Variants in ACOXL observed in about 807,000 individuals in gnomAD.
The protein encoded by ACOXL is acyl-CoA oxidase like.
In ACOXL, 70 loss-of-function variants were observed where a neutral mutation model predicts 71.9. That is an observed-to-expected ratio of 0.97 (90% CI 0.80 to 1.19). ACOXL has a LOEUF of 1.19. Ranked by LOEUF, ACOXL falls within the 50% of genes most tolerant of loss-of-function variation. The probability of loss-of-function intolerance (pLI) is 0.00; values close to 1 mark genes in which losing one functional copy is unlikely to be tolerated. For missense variants in ACOXL, 703 were observed against 736.3 expected (o/e 0.95, Z 0.52); for synonymous variants, 253 against 281.6 (o/e 0.90, Z 1.02).
rs564930721 is a variant in ACOXL, at chr2:110,887,148, C to T, written c.789-21641C>T. On this transcript the variant is annotated intron_variant, in intron 10 of 17. Coordinates refer to ENST00000439055, the MANE Select transcript of ACOXL (RefSeq NM_001142807.4). ...GATCTGAAAGTGAAATCATTGACTC[C>T]GTTACCATGTTCTGAATTCCCAGAT... is the stretch of plus-strand genomic sequence containing the variant. The T allele has an allele frequency of 1.7e-4, 57 of 336,350 alleles. No individual in the cohort carries two copies. The South Asian group carries it at 2.4e-3, about 14-fold the overall frequency. The allele number at this position is 336,350 out of a possible 1,614,324, so 20.8% of individuals were successfully genotyped here.
intron 10 of ACOXL, among the ~76,000 whole-genome samples, chr2:110,862,725 T>C (rs1337821811): frequency 6.6e-6 from 1 of 152,200 alleles, no homozygotes; most frequent in Non-Finnish European, 1.5e-5. Context: ...TGGACACTCA[T>C]AGCCCCCTCA....
At chr2:110,903,324 A>G (rs2059318173) in intron 10 of ACOXL, among the ~76,000 whole-genome samples, 1 of 152,252 alleles carries the variant, frequency 6.6e-6, no homozygotes, top group Admixed American at 6.5e-5. Flanking sequence ...TGCCTTAAGC[A>G]GCCGCGTTCA....
intron 9 of ACOXL, among the ~76,000 whole-genome samples, chr2:110,838,733 A>G (rs1472851014): frequency 6.6e-6 from 1 of 152,210 alleles, no homozygotes. Flanking sequence ...GGCCTTCCTC[A>G]TTGGACCCAG....
intron 14 of ACOXL, among the ~76,000 whole-genome samples, chr2:111,007,990 G>A (rs1006780964): frequency 6.6e-6 from 1 of 152,130 alleles, no homozygotes; most frequent in Admixed American, 6.5e-5. Context: ...CTCACCCCCT[G>A]TGTACACAAC....
At chr2:111,088,256 G>A (rs1180087988) in intron 16 of ACOXL, among the ~76,000 whole-genome samples, 2 of 152,130 alleles carry the variant, frequency 1.3e-5, no homozygotes, top group Non-Finnish European at 2.9e-5. Flanking sequence ...AGAACTAAAA[G>A]CAGAATTACC....
chr2:111,045,838 C>T (rs768283979), intron 15 of ACOXL, among the ~76,000 whole-genome samples: 1 of 152,196 alleles, frequency 6.6e-6, no homozygotes, highest in Non-Finnish European at 1.5e-5. Context: ...GGGCTGTAGG[C>T]TGCTAGCCCC....
intron 13 of ACOXL, among the ~76,000 whole-genome samples, chr2:110,994,676 T>C (rs1447760423): frequency 6.6e-6 from 1 of 152,172 alleles, no homozygotes; most frequent in East Asian, 1.9e-4. Context: ...AATTGTGAAC[T>C]TGGTTGTTTT....
At chr2:110,850,943 CTG>C (rs1486009963) in intron 10 of ACOXL, among the ~76,000 whole-genome samples, 3 of 152,168 alleles carry the variant, frequency 2.0e-5, no homozygotes, top group Non-Finnish European at 4.4e-5. Context: ...GGTAAACAGA[CTG>C]TGTCACTTCC....
At chr2:110,999,642 T>C (rs1174444065) in intron 14 of ACOXL, among the ~76,000 whole-genome samples, 1 of 152,236 alleles carries the variant, frequency 6.6e-6, no homozygotes, top group Non-Finnish European at 1.5e-5. Flanking sequence ...CCAGATAAAA[T>C]ACATTATGAC....
At chr2:110,986,416 C>G (rs1339088638) in intron 12 of ACOXL, among the ~76,000 whole-genome samples, 1 of 152,198 alleles carries the variant, frequency 6.6e-6, no homozygotes, top group African/African-American at 2.4e-5. Flanking sequence ...TTGGGCTAAG[C>G]TCACACGACG....
Position 111,084,258 on chromosome 2 carries a change from T to TACAC in ACOXL, c.1441-8559_1441-8556dup, listed in dbSNP as rs61263209. Among the ~76,000 whole-genome samples the TACAC allele has an allele frequency of 6.0e-3, 812 of 134,982 alleles. 12 individuals carry two copies. Among genetic ancestry groups the TACAC allele is most frequent in the East Asian group, 0.035 (152 of 4,340 alleles). The allele number at this position is 134,982 out of a possible 152,430, so 88.6% of individuals were successfully genotyped here. A position where few individuals can be genotyped will look rare whatever the true frequency, so the allele number is the denominator to read the frequency against. Reference sequence around the variant, plus strand: ...GTCTTACGGACACAGATCTAAGGAATACACACACACACACACACACACACA... The same window carrying TACAC: ...GTCTTACGGACACAGATCTAAGGAATACACACACACACACACACACACACACACA... On this transcript the variant is annotated intron_variant, in intron 16 of 17. Transcript: ENST00000439055.
chr2:110,900,811 T>C (rs1174904728), intron 10 of ACOXL, among the ~76,000 whole-genome samples: 1 of 152,234 alleles, frequency 6.6e-6, no homozygotes, highest in Non-Finnish European at 1.5e-5. Flanking sequence ...AAACAAAGAA[T>C]CTGAAATTGG....
chr2:111,020,664 T>C (rs17041763), intron 14 of ACOXL, among the ~76,000 whole-genome samples: 2,904 of 152,228 alleles, frequency 0.019, 86 homozygotes, highest in African/African-American at 0.067. Context: ...TTGAGAAAGA[T>C]GATATTTTTG....
intron 15 of ACOXL, among the ~76,000 whole-genome samples, chr2:111,035,576 A>G (rs184707389): frequency 3.9e-5 from 6 of 152,344 alleles, no homozygotes; most frequent in Admixed American, 3.9e-4. Context: ...AGTACTTCTC[A>G]TTATGCAGCA....
At chr2:110,909,362 A>C (rs953448165) in intron 11 of ACOXL, among the ~76,000 whole-genome samples, 4 of 152,266 alleles carry the variant, frequency 2.6e-5, no homozygotes, top group African/African-American at 9.6e-5. Flanking sequence ...GTGTACCATA[A>C]GTACACCTGG....
intron 16 of ACOXL, among the ~76,000 whole-genome samples, chr2:111,052,991 C>G (rs1489849056): frequency 6.6e-6 from 1 of 152,158 alleles, no homozygotes; most frequent in Non-Finnish European, 1.5e-5. Context: ...CAAAGAGTAC[C>G]TGGACCTGAC....
rs555630541 is a variant in ACOXL at position 110,968,255 on chromosome 2, C to T, written c.1060-18853C>T. 55 of 1,127,440 alleles carry T rather than the reference C, an allele frequency of 4.9e-5. No individual in the cohort carries two copies. In the African/African-American group the frequency reaches 7.6e-4, roughly 16 times the overall value. The allele number at this position is 1,127,440 out of a possible 1,614,324, so 69.8% of individuals were successfully genotyped here. ...GAAAACATTGATGGTCAGCCAAGTG[C>T]CTTTACCTGCTATTTGGATGCAGGC... On this transcript the variant is annotated intron_variant, in intron 12 of 17. Coordinates refer to ENST00000439055, the MANE Select transcript of ACOXL (RefSeq NM_001142807.4).
chr2:111,053,042 G>C (rs1285085764), intron 16 of ACOXL, among the ~76,000 whole-genome samples: 1 of 152,166 alleles, frequency 6.6e-6, no homozygotes, highest in Non-Finnish European at 1.5e-5. Context: ...GCCAGCAACT[G>C]GAGTGTAACC....
At chr2:111,090,328 C>T (rs1399983315) in intron 16 of ACOXL, among the ~76,000 whole-genome samples, 1 of 152,116 alleles carries the variant, frequency 6.6e-6, no homozygotes, top group Non-Finnish European at 1.5e-5. Flanking sequence ...TTGGATGCCT[C>T]TTAACACACT....
Sources: gnomAD v4.1 joint callset for allele counts (sites outside exome capture counted in the v4.1 genomes callset) on GRCh38, gnomAD v4.1.1 for gene constraint, MANE v1.5 for transcripts, NCBI Gene and HGNC (gene_info 2026-07-23, HGNC 2026-07-21) for gene names.